CFAP299: variants seen among roughly 807,000 people sequenced by gnomAD.
CFAP299 encodes the protein cilia and flagella associated protein 299.
A neutral mutation model predicts 27.0 loss-of-function variants in CFAP299; 21 were observed. That is an observed-to-expected ratio of 0.78 (90% CI 0.55 to 1.12). The LOEUF (loss-of-function observed/expected upper bound fraction) is 1.12, where lower values mean the gene tolerates loss of function less well. Among genes scored for constraint, CFAP299 ranks in the 50% most tolerant of loss-of-function variants. CFAP299 has a pLI of 0.00. For synonymous variants in CFAP299, 104 were observed against 98.1 expected (o/e 1.06, Z -0.36); for missense variants, 310 against 276.6 (o/e 1.12, Z -0.86).
At position 80,854,509 on chromosome 4, in the gene CFAP299, G is replaced by A. The variant is rs553156317; in HGVS notation, c.334-15484G>A. 9.9e-5 allele frequency among the ~76,000 whole-genome samples: 15 copies of A among 151,986 alleles called. No individual in the cohort carries two copies. The East Asian group carries it at 2.7e-3, about 27-fold the overall frequency. On this transcript the variant is annotated intron_variant, in intron 3 of 5. Transcript: ENST00000358105. ...TGAAATGAGGTCAAATGCACAAAAA[G>A]AGAGACTGGCCTCGGACAGAAGCAT...
At chr4:80,814,144 T>C (rs1289455322) in intron 3 of CFAP299, among the ~76,000 whole-genome samples, 2 of 152,092 alleles carry the variant, frequency 1.3e-5, no homozygotes, top group Non-Finnish European at 2.9e-5. Context: ...AAGCTCTAAG[T>C]AGAAGACTAC....
intron 2 of CFAP299, among the ~76,000 whole-genome samples, chr4:80,535,028 C>CATTT (rs1733656530): frequency 6.6e-6 from 1 of 152,242 alleles, no homozygotes; most frequent in East Asian, 1.9e-4. Flanking sequence ...AGAGAACTGT[C>CATTT]ATTTCACCCT....
intron 3 of CFAP299, among the ~76,000 whole-genome samples, chr4:80,859,519 A>G (rs557147208): frequency 2.6e-5 from 4 of 151,682 alleles, no homozygotes; most frequent in Non-Finnish European, 5.9e-5. Flanking sequence ...TGGTCTTTAC[A>G]TTTTGGCATG....
At chr4:80,620,780 G>A (rs576199537) in intron 3 of CFAP299, among the ~76,000 whole-genome samples, 1 of 152,056 alleles carries the variant, frequency 6.6e-6, no homozygotes, top group Non-Finnish European at 1.5e-5. Flanking sequence ...AAGCAGATCT[G>A]GGTTCAAATT....
At chr4:80,854,721 A>C (rs558564594) in intron 3 of CFAP299, among the ~76,000 whole-genome samples, 18 of 151,424 alleles carry the variant, frequency 1.2e-4, no homozygotes, top group African/African-American at 4.4e-4. Flanking sequence ...ATGTAAAAAA[A>C]ATTGGGAGCG....
chr4:80,447,130 G>GTT lies in CFAP299; in HGVS notation c.242+84268_242+84269dup, dbSNP rs1553923883. Among the ~76,000 whole-genome samples the GTT allele has an allele frequency of 2.5e-3, 267 of 105,240 alleles. 10 individuals are homozygous for GTT. Among genetic ancestry groups the GTT allele is most frequent in the African/African-American group, 0.01 (233 of 22,660 alleles). 69.0% of individuals were successfully genotyped at this position (105,240 alleles called of 152,430 possible). On this transcript the variant is annotated intron_variant, in intron 2 of 5. Coordinates refer to ENST00000358105, the MANE Select transcript of CFAP299 (RefSeq NM_152770.3). Reference sequence around the variant, plus strand: ...TTTGCTTTTTATTTGTTTTTTTTTTGTTTTTTTTTTTTTTTTTTTTTTTGA... The same window carrying GTT: ...TTTGCTTTTTATTTGTTTTTTTTTTGTTTTTTTTTTTTTTTTTTTTTTTTTGA...
intron 3 of CFAP299, among the ~76,000 whole-genome samples, chr4:80,857,169 G>A (rs542478457): frequency 1.3e-5 from 2 of 152,260 alleles, no homozygotes; most frequent in African/African-American, 4.8e-5. Flanking sequence ...TGAAGCAATT[G>A]TGAATGGGAG....
intron 3 of CFAP299, among the ~76,000 whole-genome samples, chr4:80,603,910 CTTAT>C (rs1218366243): frequency 2.0e-5 from 3 of 152,200 alleles, no homozygotes; most frequent in Admixed American, 6.5e-5. Context: ...ATAATGGGCC[CTTAT>C]TTGTTTTTCT....
chr4:80,380,084 T>C (rs1001728775), intron 2 of CFAP299, among the ~76,000 whole-genome samples: 1 of 152,218 alleles, frequency 6.6e-6, no homozygotes, highest in African/African-American at 2.4e-5. Context: ...GATATTCTGA[T>C]GCTAGATACA....
At chr4:80,556,297 T>G (rs1362473098) in intron 2 of CFAP299, among the ~76,000 whole-genome samples, 1 of 152,048 alleles carries the variant, frequency 6.6e-6, no homozygotes, top group Non-Finnish European at 1.5e-5. Flanking sequence ...TAAGTCTCTT[T>G]TTTGAGAAGG....
intron 2 of CFAP299, among the ~76,000 whole-genome samples, chr4:80,407,942 A>C (rs963107495): frequency 6.6e-6 from 1 of 152,238 alleles, no homozygotes; most frequent in Non-Finnish European, 1.5e-5. Context: ...CCTAACATTT[A>C]ATTACTAAGA....
At chr4:80,794,607 T>C (rs887358629) in intron 3 of CFAP299, among the ~76,000 whole-genome samples, 1 of 152,140 alleles carries the variant, frequency 6.6e-6, no homozygotes, top group African/African-American at 2.4e-5. Context: ...GTGAATTCCA[T>C]GAGCATGAGC....
chr4:80,733,840 A>G (rs1008838809), intron 3 of CFAP299, among the ~76,000 whole-genome samples: 1 of 152,130 alleles, frequency 6.6e-6, no homozygotes, highest in Non-Finnish European at 1.5e-5. Flanking sequence ...GTGTATAAGT[A>G]CTACATTTTC....
At chr4:80,559,150 G>A (rs1369543020) in intron 2 of CFAP299, among the ~76,000 whole-genome samples, 1 of 152,114 alleles carries the variant, frequency 6.6e-6, no homozygotes, top group Non-Finnish European at 1.5e-5. Context: ...AGCTGGGAAT[G>A]GCTGGAACAG....
rs560771753 is a variant in CFAP299 at position 80,956,995 on chromosome 4, A to G, written c.607-6522A>G. On this transcript the variant is annotated intron_variant, in intron 5 of 5. Coordinates refer to ENST00000358105, the MANE Select transcript of CFAP299 (RefSeq NM_152770.3). ...TTCTGATAGCTTTCATTGCTTCTAT[A>G]TTTAAAAAGATTCCTATACTAGAAT... is the stretch of plus-strand genomic sequence containing the variant. Among the ~76,000 whole-genome samples, 95 of 152,196 alleles carry G rather than the reference A, an allele frequency of 6.2e-4. No homozygotes were observed. The South Asian group carries it at 7.5e-3, about 12-fold the overall frequency.
chr4:80,391,875 T>A (rs1322612936), intron 2 of CFAP299, among the ~76,000 whole-genome samples: 1 of 152,070 alleles, frequency 6.6e-6, no homozygotes, highest in Non-Finnish European at 1.5e-5. Context: ...TGAAGAAAGC[T>A]AGGAAGTGGT....
intron 5 of CFAP299, among the ~76,000 whole-genome samples, chr4:80,953,341 C>T (rs899685182): frequency 6.6e-6 from 1 of 152,156 alleles, no homozygotes; most frequent in African/African-American, 2.4e-5. Flanking sequence ...TCTCGTTTTG[C>T]TACCCAAATT....
At chr4:80,825,237 AT>A (rs968956063) in intron 3 of CFAP299, among the ~76,000 whole-genome samples, 1 of 151,916 alleles carries the variant, frequency 6.6e-6, no homozygotes, top group African/African-American at 2.4e-5. Flanking sequence ...AAGAAAAAAA[AT>A]GATTGAAAAA....
At chr4:80,386,843 T>A in intron 2 of CFAP299, 1 of 881,958 alleles carries the variant, frequency 1.1e-6, no homozygotes, top group Non-Finnish European at 1.9e-6. Flanking sequence ...GATCAACATG[T>A]CTCTCTTACA....
Sources: gnomAD v4.1 joint callset for allele counts (sites outside exome capture counted in the v4.1 genomes callset) on GRCh38, gnomAD v4.1.1 for gene constraint, MANE v1.5 for transcripts, NCBI Gene and HGNC (gene_info 2026-07-23, HGNC 2026-07-21) for gene names.